Variants in DPPA2 observed in about 807,000 individuals in gnomAD.
The protein encoded by DPPA2 is developmental pluripotency-associated protein 2.
A neutral mutation model predicts 36.2 loss-of-function variants in DPPA2; 26 were observed. The observed-to-expected ratio is 0.72, with a 90% CI of 0.53 to 1.00. The LOEUF is 1.00. Among genes scored for constraint, DPPA2 ranks in the 50% least tolerant of loss-of-function variants. The pLI is 0.00. For synonymous variants in DPPA2, 113 were observed against 123.2 expected (o/e 0.92, Z 0.55); for missense variants, 361 against 365.1 (o/e 0.99, Z 0.09).
rs184783595 is a variant in DPPA2 at position 109,309,482 on chromosome 3, T to C, written c.182-152A>G. The C allele has an allele frequency of 2.2e-3, 1,615 of 734,388 alleles. 6 individuals carry two copies. Among genetic ancestry groups the C allele is most frequent in the Non-Finnish European group, 3.1e-3 (1,421 of 462,430 alleles). The allele number at this position is 734,388 out of a possible 1,614,324, so 45.5% of individuals were successfully genotyped here. On this transcript the variant is annotated intron_variant, in intron 3 of 8. Transcript: ENST00000478945. ...GTAGGCAGATCACGAGGTCAGGAGA[T>C]CGAGACCATCCTGGCTAACATGGTG...
intron 7 of DPPA2, among the ~76,000 whole-genome samples, chr3:109,302,507 G>A (rs1257262169): frequency 5.3e-5 from 8 of 152,198 alleles, no homozygotes; most frequent in Non-Finnish European, 1.0e-4. Context: ...AAGCTGGAGA[G>A]CAGTGGTGCG....
intron 6 of DPPA2, among the ~76,000 whole-genome samples, chr3:109,305,796 G>A (rs559988090): frequency 7.0e-6 from 1 of 143,488 alleles, no homozygotes; most frequent in Admixed American, 7.0e-5. Context: ...AAAAAAACGC[G>A]TAAGGAACAA....
At position 109,304,507 on chromosome 3, in the gene DPPA2, TTC is replaced by T; in HGVS notation, c.820_821del (p.Glu274ArgfsTer2). ...CACAGTCGGGGCATAACATATTATC[TTC>T]TATGCCTGGGGATGGGAAAATGCAG... ...PACIFPSPGI[E>X]DNMLCPDCAK... On this transcript the variant is annotated frameshift_variant, in exon 7 of 9. Coordinates refer to ENST00000478945, the MANE Select transcript of DPPA2 (RefSeq NM_138815.4). LOFTEE classifies it high-confidence loss of function. 1 of 1,613,850 alleles carries T rather than the reference TTC, an allele frequency of 6.2e-7. No individual in the cohort carries two copies. The highest frequency in any genetic ancestry group is 8.5e-7 in the Non-Finnish European group (1 of 1,179,928).
At chr3:109,313,498 C>T (rs1275616931) in intron 2 of DPPA2, among the ~76,000 whole-genome samples, 1 of 152,230 alleles carries the variant, frequency 6.6e-6, no homozygotes, top group Non-Finnish European at 1.5e-5. Context: ...CTAACATTTA[C>T]TGGTTCTCTA....
In DPPA2 at chr3:109,309,329, A is replaced by C. The variant is rs767528293; in HGVS notation, c.183T>G (p.Gly61=). ...KLEKPKKYNP[G]HLLQTNEQFT... ...ATTGCTCATTTGTTTGAAGTAGATG[A>C]CCTAAGACAAGAATGGAACCAAAGT... Residue 61 remains glycine, a splice_region_variant and synonymous_variant, in exon 4 of 9, where the codon GGT becomes GGG. Transcript: ENST00000478945. The C allele has an allele frequency of 6.2e-7, 1 of 1,613,724 alleles. No homozygotes were observed. Among genetic ancestry groups the C allele is most frequent in the Admixed American group, 1.7e-5 (1 of 59,952 alleles).
chr3:109,310,545 G>A (rs902599213), intron 3 of DPPA2, among the ~76,000 whole-genome samples: 3 of 149,338 alleles, frequency 2.0e-5, no homozygotes, highest in African/African-American at 7.4e-5. Context: ...TCGCTCTATT[G>A]CCCAGGCTGG....
intron 8 of DPPA2, among the ~76,000 whole-genome samples, chr3:109,299,240 C>T (rs906515713): frequency 7.3e-5 from 11 of 150,836 alleles, no homozygotes; most frequent in Admixed American, 2.6e-4. Context: ...GGGCTGGGTG[C>T]GGTGGCTCCC....
chr3:109,311,479 C>T (rs1707708490), intron 3 of DPPA2, among the ~76,000 whole-genome samples: 1 of 152,188 alleles, frequency 6.6e-6, no homozygotes, highest in African/African-American at 2.4e-5. Flanking sequence ...GTGGCTCACG[C>T]CTGTAATCCC....
intron 2 of DPPA2, 107 bp downstream of exon 2, chr3:109,314,403 T>C (rs1411074208): frequency 2.6e-6 from 3 of 1,173,714 alleles, no homozygotes; most frequent in Non-Finnish European, 3.5e-6. Flanking sequence ...TGGAGATTTC[T>C]TACATCCAGG....
intron 2 of DPPA2, among the ~76,000 whole-genome samples, chr3:109,313,271 T>C (rs752101181): frequency 6.6e-6 from 1 of 152,220 alleles, no homozygotes; most frequent in Non-Finnish European, 1.5e-5. Flanking sequence ...TCCAACAGTC[T>C]GGTCCCTGCC....
intron 7 of DPPA2, among the ~76,000 whole-genome samples, chr3:109,300,834 A>T (rs976127425): frequency 1.3e-5 from 2 of 151,724 alleles, no homozygotes; most frequent in African/African-American, 4.8e-5. Context: ...AAAAAAAAAA[A>T]AAAAAAAAGA....
chr3:109,305,900 C>T (rs113269380), intron 6 of DPPA2, among the ~76,000 whole-genome samples: 4,131 of 151,966 alleles, frequency 0.027, 80 homozygotes, highest in Non-Finnish European at 0.041. Flanking sequence ...GAAAGACCTA[C>T]AGCCCATTTA....
rs200622097 is a variant in DPPA2 at position 109,304,623 on chromosome 3, T to C, written c.706A>G (p.Lys236Glu). 49 of 1,613,310 alleles carry C rather than the reference T, an allele frequency of 3.0e-5. No homozygotes were observed. The Admixed American group carries it at 7.9e-4, about 26-fold the overall frequency. ...TGAAACTGCAGGCGTACCCAACCCT[T>C]TGTGTCTGCCGAGAGAAGTCTGCCA... ...VHGRLLSADT[K>E]GWVRLQFHAG... is the part of the protein sequence containing the mutation. Residue 236 changes from lysine (K) to glutamate (E), a missense_variant, in exon 7 of 9, where the codon AAG (lysine) becomes GAG (glutamate). Physicochemically the swap from Lys to Glu is moderately conservative, Grantham distance 56 (BLOSUM62 1). Transcript: ENST00000478945.
chr3:109,310,960 C>T (rs1054820580), intron 3 of DPPA2, among the ~76,000 whole-genome samples: 1 of 151,920 alleles, frequency 6.6e-6, no homozygotes, highest in East Asian at 1.9e-4. Context: ...TGCCACCATG[C>T]CTGGATAATG....
rs1559698609 is a variant in DPPA2 at position 109,309,154 on chromosome 3, AC to A, written c.342+15del. The A allele has an allele frequency of 6.2e-7, 1 of 1,614,116 alleles. No individual in the cohort carries two copies. Among genetic ancestry groups the A allele is most frequent in the Admixed American group, 1.7e-5 (1 of 60,002 alleles). ...TAATTATTCCCAGCAGCAGATATTC[AC>A]CCAAGTGTACTAACCTTGCCATTAG... On this transcript the variant is annotated intron_variant, in intron 4 of 8. Coordinates refer to ENST00000478945, the MANE Select transcript of DPPA2 (RefSeq NM_138815.4).
chr3:109,295,951 A>G (rs916863567), intron 8 of DPPA2, among the ~76,000 whole-genome samples: 1 of 152,194 alleles, frequency 6.6e-6, no homozygotes, highest in African/African-American at 2.4e-5. Context: ...GACTGCCAAC[A>G]AAAGAATCAG....
chr3:109,315,528 T>C (rs1163445), intron 1 of DPPA2, among the ~76,000 whole-genome samples: 5,218 of 152,192 alleles, frequency 0.034, 288 homozygotes, highest in African/African-American at 0.12. Context: ...TGGCAAAATA[T>C]GAAGCAGGTG....
In DPPA2 at chr3:109,312,525, A is replaced by G. The variant is rs1480613985; in HGVS notation, c.181+20T>C. 6.2e-7 allele frequency: 1 copy of G among 1,601,644 alleles called. No homozygotes were observed. The highest frequency in any genetic ancestry group is 1.3e-5 in the African/African-American group (1 of 74,634). On this transcript the variant is annotated intron_variant, in intron 3 of 8. Coordinates refer to ENST00000478945, the MANE Select transcript of DPPA2 (RefSeq NM_138815.4). ...CCAGAGTTGTAGGAGTAACTAACTG[A>G]GCAATCCCTGTCCTCATACCTGGAT...
intron 6 of DPPA2, among the ~76,000 whole-genome samples, chr3:109,306,744 T>C (rs1044406550): frequency 3.3e-5 from 5 of 151,098 alleles, no homozygotes; most frequent in African/African-American, 7.3e-5. Context: ...GGCAGGTGGA[T>C]CACCTGAGGT....
Sources: gnomAD v4.1 joint callset for allele counts (sites outside exome capture counted in the v4.1 genomes callset) on GRCh38, gnomAD v4.1.1 for gene constraint, MANE v1.5 for transcripts, NCBI Gene and HGNC (gene_info 2026-07-23, HGNC 2026-07-21) for gene names.